The following KCND2 variants were observed in gnomAD, a reference collection of about 807,000 sequenced individuals.
KCND2 encodes the protein potassium voltage-gated channel subfamily D member 2, also known as A-type voltage-gated potassium channel KCND2.
A neutral mutation model predicts 54.4 loss-of-function variants in KCND2; 16 were observed. That is an observed-to-expected ratio of 0.29 (90% CI 0.20 to 0.45). The LOEUF is 0.45. Ranked by LOEUF, KCND2 falls within the 20% of genes least tolerant of loss-of-function variation. The pLI, the probability that KCND2 is intolerant of heterozygous loss-of-function variation, is 1.00. For missense variants in KCND2, 486 were observed against 824.2 expected, an observed-to-expected ratio of 0.59 and a Z score of 5.02; for synonymous variants, 317 against 310.7, an observed-to-expected ratio of 1.02 and a Z score of -0.21.
intron 1 of KCND2, among the ~76,000 whole-genome samples, chr7:120,361,995 G>A (rs1171110764): frequency 1.3e-5 from 2 of 152,008 alleles, no homozygotes; most frequent in Non-Finnish European, 2.9e-5. Context: ...GATACAGAAA[G>A]AAAGCTAAAA....
At chr7:120,628,244 G>A (rs988135069) in intron 1 of KCND2, among the ~76,000 whole-genome samples, 8 of 152,152 alleles carry the variant, frequency 5.3e-5, no homozygotes, top group African/African-American at 1.7e-4. Context: ...GTCTCCTCTC[G>A]TGAGTTGAGG....
intron 1 of KCND2, among the ~76,000 whole-genome samples, chr7:120,497,818 A>G: frequency 6.6e-6 from 1 of 152,198 alleles, no homozygotes; most frequent in South Asian, 2.1e-4. Flanking sequence ...ACACAACACA[A>G]AACAGCCTGA....
chr7:120,728,589 C>T (rs529956970), intron 1 of KCND2, among the ~76,000 whole-genome samples: 5 of 152,078 alleles, frequency 3.3e-5, no homozygotes, highest in Non-Finnish European at 7.4e-5. Flanking sequence ...TACACCCAGC[C>T]TCCTTCTTAT....
At chr7:120,437,981 T>C (rs1353856088) in intron 1 of KCND2, among the ~76,000 whole-genome samples, 2 of 152,202 alleles carry the variant, frequency 1.3e-5, no homozygotes, top group Non-Finnish European at 1.5e-5. Context: ...AGATTCTGGG[T>C]TGCAGTACAT....
intron 1 of KCND2, among the ~76,000 whole-genome samples, chr7:120,292,661 A>AT (rs1234487417): frequency 6.6e-6 from 1 of 151,870 alleles, no homozygotes; most frequent in East Asian, 1.9e-4. Flanking sequence ...CACAGCTCAA[A>AT]TTTTTATCAA....
chr7:120,629,443 G>C (rs187992735), intron 1 of KCND2, among the ~76,000 whole-genome samples: 1 of 152,066 alleles, frequency 6.6e-6, no homozygotes, highest in African/African-American at 2.4e-5. Flanking sequence ...CCGAGATGGT[G>C]CCACTGCACT....
chr7:120,746,455 C>T (rs1450785812), intron 5 of KCND2, among the ~76,000 whole-genome samples: 1 of 152,036 alleles, frequency 6.6e-6, no homozygotes, highest in East Asian at 1.9e-4. Flanking sequence ...AACACACTGT[C>T]TGTAACAGTA....
chr7:120,626,961 A>G (rs1210080682), intron 1 of KCND2, among the ~76,000 whole-genome samples: 1 of 152,156 alleles, frequency 6.6e-6, no homozygotes, highest in Non-Finnish European at 1.5e-5. Context: ...TGCGATGTAC[A>G]CTACACTGTC....
chr7:120,680,733 G>A (rs956863570), intron 1 of KCND2, among the ~76,000 whole-genome samples: 2 of 152,046 alleles, frequency 1.3e-5, no homozygotes, highest in African/African-American at 4.8e-5. Flanking sequence ...TTTGGGAGAA[G>A]GGAATTTGTT....
At chr7:120,607,475 A>C (rs1792896081) in intron 1 of KCND2, among the ~76,000 whole-genome samples, 1 of 152,098 alleles carries the variant, frequency 6.6e-6, no homozygotes, top group African/African-American at 2.4e-5. Flanking sequence ...CTATCTCATA[A>C]ACCATAGTAA....
chr7:120,694,561 TA>T (rs1173294319), intron 1 of KCND2, among the ~76,000 whole-genome samples: 1 of 152,172 alleles, frequency 6.6e-6, no homozygotes, highest in East Asian at 1.9e-4. Context: ...GAACTATAGA[TA>T]TTTTTTTCAT....
chr7:120,665,690 AT>A (rs1791918173), intron 1 of KCND2, among the ~76,000 whole-genome samples: 1 of 152,072 alleles, frequency 6.6e-6, no homozygotes, highest in South Asian at 2.1e-4. Flanking sequence ...TGTTAAAGTC[AT>A]TTAATTTACA....
chr7:120,471,851 A>G (rs10239849), intron 1 of KCND2, among the ~76,000 whole-genome samples: 18,604 of 151,984 alleles, frequency 0.12, 1,398 homozygotes, highest in African/African-American at 0.21. Context: ...CCATATGGTA[A>G]TACTCAGTAA....
At chr7:120,623,170 A>G (rs555672617) in intron 1 of KCND2, among the ~76,000 whole-genome samples, 10 of 152,324 alleles carry the variant, frequency 6.6e-5, no homozygotes, top group Non-Finnish European at 1.2e-4. Context: ...GATACTAGTT[A>G]CTGTATACCA....
rs34803439 is a variant in KCND2, at chr7:120,701,240, TAAAAAAAAAAAAAAAAA to T, written c.1116-31643_1116-31627del. ...TAGTTGAATGGCTGTAATGCCTAGCTAAAAAAAAAAAAAAAAAAAAAAAAAAAAAAAAAAAATTAGAA... is the reference window on the plus strand; with the variant it reads ...TAGTTGAATGGCTGTAATGCCTAGCTAAAAAAAAAAAAAAAAAAATTAGAA... On this transcript the variant is annotated intron_variant, in intron 1 of 5. Transcript: ENST00000331113. Among the ~76,000 whole-genome samples, 232 of 55,150 alleles carry T rather than the reference TAAAAAAAAAAAAAAAAA, an allele frequency of 4.2e-3. 1 individual carries two copies. Among genetic ancestry groups the T allele is most frequent in the Non-Finnish European group, 5.6e-3 (147 of 26,362 alleles). 36.2% of individuals were successfully genotyped at this position (55,150 alleles called of 152,430 possible).
At chr7:120,286,587 A>G (rs1799348251) in intron 1 of KCND2, among the ~76,000 whole-genome samples, 1 of 152,026 alleles carries the variant, frequency 6.6e-6, no homozygotes, top group South Asian at 2.1e-4. Flanking sequence ...CTATCACATC[A>G]GTAGACAATT....
chr7:120,351,398 ACACACACACACACACTCT>A (rs1464699552), intron 1 of KCND2, among the ~76,000 whole-genome samples: 4 of 148,486 alleles, frequency 2.7e-5, no homozygotes, highest in African/African-American at 7.5e-5. Context: ...ACACACACAC[ACACACACACACACACTCT>A]CTCTCTCTCT....
chr7:120,455,116 A>C (rs1340149735), intron 1 of KCND2, among the ~76,000 whole-genome samples: 3 of 152,196 alleles, frequency 2.0e-5, no homozygotes, highest in African/African-American at 7.2e-5. Flanking sequence ...GCCCTAAAAA[A>C]TTTATAGATT....
intron 1 of KCND2, among the ~76,000 whole-genome samples, chr7:120,518,820 G>A (rs915867664): frequency 6.6e-6 from 1 of 152,092 alleles, no homozygotes; most frequent in African/African-American, 2.4e-5. Flanking sequence ...TGACAAAAGG[G>A]ACTTTGCCGA....
Sources: gnomAD v4.1 joint callset for allele counts (sites outside exome capture counted in the v4.1 genomes callset) on GRCh38, gnomAD v4.1.1 for gene constraint, MANE v1.5 for transcripts, NCBI Gene and HGNC (gene_info 2026-07-23, HGNC 2026-07-21) for gene names.